FAM135B: variants seen among roughly 807,000 people sequenced by gnomAD.
FAM135B encodes the protein family with sequence similarity 135 member B, also known as protein FAM135B.
Under a neutral mutation model 127.7 loss-of-function variants are expected in FAM135B, and 43 were observed. The ratio of observed to expected loss-of-function variants is 0.34; its 90% CI spans 0.26 to 0.43. The LOEUF (loss-of-function observed/expected upper bound fraction) is 0.43. Among genes scored for constraint, FAM135B ranks in the 20% least tolerant of loss-of-function variants. The pLI, the probability that FAM135B is intolerant of heterozygous loss-of-function variation, is 1.00. For missense variants in FAM135B, 1,558 were observed against 1,725.6 expected (o/e 0.90, Z 1.72); for synonymous variants, 670 against 665.1 (o/e 1.01, Z -0.11).
At chr8:138,332,907 T>C (rs1478176272) in intron 2 of FAM135B, among the ~76,000 whole-genome samples, 2 of 151,764 alleles carry the variant, frequency 1.3e-5, no homozygotes, top group Non-Finnish European at 2.9e-5. Context: ...TGTTTTGTGC[T>C]GAGAGAGTGC....
rs142083109 is a variant in FAM135B, at chr8:138,253,158, A to T, written c.369-2144T>A. On this transcript the variant is annotated intron_variant, in intron 5 of 19. Transcript: ENST00000395297. ...CTTGGGATTTGTCTGGGTGGTCACAAGAGATAAAACTGAAGTCTACTGAGG... is the reference window on the plus strand; with the variant it reads ...CTTGGGATTTGTCTGGGTGGTCACATGAGATAAAACTGAAGTCTACTGAGG... Among the ~76,000 whole-genome samples, 725 of 152,220 alleles carry T rather than the reference A, an allele frequency of 4.8e-3. 10 individuals are homozygous for T. Among genetic ancestry groups the T allele is most frequent in the Middle Eastern group, 0.014 (4 of 294 alleles).
intron 1 of FAM135B, among the ~76,000 whole-genome samples, chr8:138,415,775 G>A (rs1462160432): frequency 1.3e-5 from 2 of 152,202 alleles, no homozygotes; most frequent in Non-Finnish European, 2.9e-5. Flanking sequence ...TCCAGCATCT[G>A]AGAATGAATG....
intron 11 of FAM135B, among the ~76,000 whole-genome samples, chr8:138,169,773 G>T (rs1006602771): frequency 1.3e-5 from 2 of 152,088 alleles, no homozygotes; most frequent in Non-Finnish European, 2.9e-5. Context: ...ATTTTAGGTC[G>T]AACAAGCCAA....
chr8:138,387,153 C>T (rs1367062411), intron 1 of FAM135B, among the ~76,000 whole-genome samples: 3 of 152,180 alleles, frequency 2.0e-5, no homozygotes, highest in Non-Finnish European at 4.4e-5. Flanking sequence ...AAACAGTTCA[C>T]TAAATGATGG....
chr8:138,238,760 G>A (rs1388977969), intron 7 of FAM135B, among the ~76,000 whole-genome samples: 1 of 152,240 alleles, frequency 6.6e-6, no homozygotes, highest in Non-Finnish European at 1.5e-5. Context: ...GCTCCCAGGG[G>A]AGGTGGAGGG....
intron 7 of FAM135B, among the ~76,000 whole-genome samples, chr8:138,216,221 A>T (rs1818533771): frequency 6.6e-6 from 1 of 152,160 alleles, no homozygotes; most frequent in Non-Finnish European, 1.5e-5. Flanking sequence ...TAACTACAAT[A>T]ACAATTTTTA....
chr8:138,339,697 T>A (rs1828908641), intron 2 of FAM135B, among the ~76,000 whole-genome samples: 1 of 152,158 alleles, frequency 6.6e-6, no homozygotes, highest in African/African-American at 2.4e-5. Context: ...AGCTGCAGCA[T>A]CACAGAGTTA....
chr8:138,258,177 C>T (rs373287441), intron 4 of FAM135B, among the ~76,000 whole-genome samples: 1 of 152,150 alleles, frequency 6.6e-6, no homozygotes, highest in East Asian at 1.9e-4. Context: ...ATCAATGCAT[C>T]TTTGCGGAAT....
intron 7 of FAM135B, among the ~76,000 whole-genome samples, chr8:138,225,873 T>A (rs1374601867): frequency 1.3e-5 from 2 of 152,124 alleles, no homozygotes; most frequent in African/African-American, 4.8e-5. Flanking sequence ...TGGTGGTGCA[T>A]GGTTCCTGTA....
chr8:138,202,218 C>A (rs1420202364), intron 7 of FAM135B, among the ~76,000 whole-genome samples: 1 of 148,658 alleles, frequency 6.7e-6, no homozygotes, highest in African/African-American at 2.5e-5. Context: ...ATGGAGTCTG[C>A]AACAAGAGAT....
At chr8:138,349,291 C>A (rs566513997) in intron 2 of FAM135B, among the ~76,000 whole-genome samples, 2 of 152,252 alleles carry the variant, frequency 1.3e-5, no homozygotes, top group Non-Finnish European at 1.5e-5. Context: ...AAACTCCATG[C>A]CTTTGGAGAA....
chr8:138,271,314 A>C (rs1823356815), intron 3 of FAM135B, among the ~76,000 whole-genome samples: 5 of 152,180 alleles, frequency 3.3e-5, no homozygotes, highest in Admixed American at 3.3e-4. Flanking sequence ...CTTGTTTTCT[A>C]CTTAAAGTAC....
intron 7 of FAM135B, among the ~76,000 whole-genome samples, chr8:138,236,399 TA>T (rs1820276244): frequency 6.9e-6 from 1 of 144,694 alleles, no homozygotes; most frequent in South Asian, 2.3e-4. Context: ...CACACACACA[TA>T]CACACACACA....
At chr8:138,281,420 A>C (rs1586957396) in intron 3 of FAM135B, among the ~76,000 whole-genome samples, 1 of 149,668 alleles carries the variant, frequency 6.7e-6, no homozygotes. Context: ...TGCTCTACTC[A>C]CTCTTCATTA....
At chr8:138,473,231 C>A (rs1021359646) in intron 1 of FAM135B, among the ~76,000 whole-genome samples, 1 of 152,072 alleles carries the variant, frequency 6.6e-6, no homozygotes. Context: ...ACATGCTGAC[C>A]TAATGTCTAG....
chr8:138,236,997 G>T (rs1486107993), intron 7 of FAM135B, among the ~76,000 whole-genome samples: 6 of 152,050 alleles, frequency 3.9e-5, no homozygotes, highest in Non-Finnish European at 8.8e-5. Context: ...TGAAGACAAA[G>T]AAATCTCCCT....
In FAM135B at chr8:138,357,684, C is replaced by G. The variant is rs530333938; in HGVS notation, c.77+10223G>C. On this transcript the variant is annotated intron_variant, in intron 2 of 19. Transcript: ENST00000395297. Reference sequence around the variant, plus strand: ...AATTCATGGGAAAAAAAAACAAGAGCAGTGAAGGATCCCACTCTCTTTCTT... The same window carrying G: ...AATTCATGGGAAAAAAAAACAAGAGGAGTGAAGGATCCCACTCTCTTTCTT... Among the ~76,000 whole-genome samples the G allele has an allele frequency of 6.6e-5, 10 of 152,158 alleles. No homozygotes were observed. In the South Asian group the frequency reaches 1.9e-3, roughly 28 times the overall value.
At chr8:138,397,861 C>T (rs1400565169) in intron 1 of FAM135B, among the ~76,000 whole-genome samples, 1 of 152,160 alleles carries the variant, frequency 6.6e-6, no homozygotes, top group Non-Finnish European at 1.5e-5. Flanking sequence ...CCCAGGGCAG[C>T]CCTGGTGTGC....
At chr8:138,362,786 T>C (rs560198770) in intron 2 of FAM135B, among the ~76,000 whole-genome samples, 1 of 152,316 alleles carries the variant, frequency 6.6e-6, no homozygotes, top group South Asian at 2.1e-4. Context: ...CTGATGGTCA[T>C]TTTCTATGTA....
Sources: gnomAD v4.1 joint callset for allele counts (sites outside exome capture counted in the v4.1 genomes callset) on GRCh38, gnomAD v4.1.1 for gene constraint, MANE v1.5 for transcripts, NCBI Gene and HGNC (gene_info 2026-07-23, HGNC 2026-07-21) for gene names.